IVNS1ABP: variants seen among roughly 807,000 people sequenced by gnomAD.
IVNS1ABP encodes the protein influenza virus NS1A-binding protein.
A neutral mutation model predicts 78.9 loss-of-function variants in IVNS1ABP; 25 were observed. The observed-to-expected ratio is 0.32, with a 90% CI of 0.23 to 0.44. The LOEUF (loss-of-function observed/expected upper bound fraction) is 0.44. Among genes scored for constraint, IVNS1ABP ranks in the 20% least tolerant of loss-of-function variants. The pLI is 1.00. For synonymous variants in IVNS1ABP, 241 were observed against 259.7 expected (o/e 0.93, Z 0.69); for missense variants, 494 against 768.9 (o/e 0.64, Z 4.23).
intron 8 of IVNS1ABP, among the ~76,000 whole-genome samples, chr1:185,304,675 TA>T (rs1368894340): frequency 3.3e-5 from 5 of 152,116 alleles, no homozygotes; most frequent in Non-Finnish European, 4.4e-5. Flanking sequence ...ATAGCCAAAC[TA>T]ATTTAATGTG....
intron 5 of IVNS1ABP, chr1:185,308,078 C>T: frequency 6.5e-7 from 1 of 1,533,844 alleles, no homozygotes; most frequent in South Asian, 1.2e-5. Context: ...GGAAAGACAG[C>T]AACTATATAA....
chr1:185,308,034 T>C (rs1395916287), intron 5 of IVNS1ABP: 1 of 1,547,366 alleles, frequency 6.5e-7, no homozygotes, highest in Non-Finnish European at 8.7e-7. Flanking sequence ...ACAATTTAAT[T>C]TGGTTGGAGA....
chr1:185,305,681 C>A lies in IVNS1ABP; in HGVS notation c.658-38G>T. The A allele has an allele frequency of 6.2e-7, 1 of 1,609,798 alleles. No homozygotes were observed. Among genetic ancestry groups the A allele is most frequent in the South Asian group, 1.1e-5 (1 of 90,420 alleles). ...AACAGAACACCCATGTGGCTACGGTCACCATGGCTACTCCACTAGTATGCA... is the reference window on the plus strand; with the variant it reads ...AACAGAACACCCATGTGGCTACGGTAACCATGGCTACTCCACTAGTATGCA... On this transcript the variant is annotated intron_variant, in intron 7 of 14. Coordinates refer to ENST00000367498, the MANE Select transcript of IVNS1ABP (RefSeq NM_006469.5). This position sits in a 1 kb window ranked among gnomAD's most constrained non-coding sequence, Gnocchi z 4.0.
At position 185,316,936 on chromosome 1, in the gene IVNS1ABP, G is replaced by T. The variant is rs763202119; in HGVS notation, c.-247+17C>A. On this transcript the variant is annotated intron_variant, in intron 1 of 14. Coordinates refer to ENST00000367498, the MANE Select transcript of IVNS1ABP (RefSeq NM_006469.5). ...CCGTCTCCCTCATCTGTCGTTCGTA[G>T]AACCAGCGCGTATTACCTGGTTCAT... 2.5e-6 allele frequency: 1 copy of T among 398,272 alleles called. No homozygotes were observed. Among genetic ancestry groups the T allele is most frequent in the Non-Finnish European group, 4.4e-6 (1 of 226,042 alleles). 24.7% of individuals were successfully genotyped at this position (398,272 alleles called of 1,614,324 possible).
Position 185,300,263 on chromosome 1 carries a change from A to G in IVNS1ABP, c.1323T>C (p.Asp441=), listed in dbSNP as rs373387940. The part of the protein sequence containing the change: ...SCGEMYDSNI[D]DWIPVPELRT... ...TCAATTCTGGAACAGGAATCCAGTC[A>G]TCTATGTTTGAATCATACATCTCTC... The change falls in exon 12 of 15, where the codon GAT becomes GAC. Residue 441 remains aspartate (D), a synonymous_variant. Transcript: ENST00000367498. 13 of 1,613,314 alleles carry G rather than the reference A, an allele frequency of 8.1e-6. No individual in the cohort carries two copies. Among genetic ancestry groups the G allele is most frequent in the East Asian group, 6.7e-5 (3 of 44,866 alleles).
chr1:185,307,787 A>T (rs765822680), intron 5 of IVNS1ABP, 125 bp from the exon 6 acceptor site: 26 of 1,203,070 alleles, frequency 2.2e-5, no homozygotes, highest in Non-Finnish European at 2.9e-5. Flanking sequence ...TAATACAACA[A>T]ATGTTAATAG....
intron 1 of IVNS1ABP, among the ~76,000 whole-genome samples, chr1:185,316,181 T>C (rs1387331558): frequency 1.3e-5 from 2 of 152,144 alleles, no homozygotes; most frequent in African/African-American, 4.8e-5. Context: ...AGAAAGAGCG[T>C]CCCAGGCCTT....
chr1:185,299,920 T>C (rs1388298359), intron 13 of IVNS1ABP, 37 bp from the exon 14 acceptor site: 3 of 1,612,534 alleles, frequency 1.9e-6, no homozygotes, highest in South Asian at 2.2e-5. Flanking sequence ...TTGCTACATC[T>C]CCCAGACTCT....
Position 185,298,001 on chromosome 1 carries a change from C to G in IVNS1ABP, c.*34G>C. On this transcript the variant is annotated 3_prime_UTR_variant, in exon 15 of 15. Coordinates refer to ENST00000367498, the MANE Select transcript of IVNS1ABP (RefSeq NM_006469.5). This position sits in a 1 kb window ranked among gnomAD's most constrained non-coding sequence, Gnocchi z 4.1. ...ACCTCTACTAACCATAATTACATCACTAAGCCTGTTAGTTTGAGAGGGTCT... is the reference window on the plus strand; with the variant it reads ...ACCTCTACTAACCATAATTACATCAGTAAGCCTGTTAGTTTGAGAGGGTCT... 1 of 1,601,990 alleles carries G rather than the reference C, an allele frequency of 6.2e-7. No homozygotes were observed. Among genetic ancestry groups the G allele is most frequent in the Non-Finnish European group, 8.5e-7 (1 of 1,172,384 alleles).
chr1:185,308,038 T>C (rs1316941548), intron 5 of IVNS1ABP: 3 of 1,546,562 alleles, frequency 1.9e-6, no homozygotes, highest in East Asian at 2.4e-5. Context: ...TTTAATTTGG[T>C]TGGAGAAAAG....
In IVNS1ABP at chr1:185,300,275, A is replaced by C. The variant is rs773760077; in HGVS notation, c.1311T>G (p.Asp437Glu). Residue 437 changes from aspartate to glutamate, a missense_variant, in exon 12 of 15, where the codon GAT (aspartate) becomes GAG (glutamate). Asp to Glu is a conservative substitution (Grantham distance 45, BLOSUM62 2). Coordinates refer to ENST00000367498, the MANE Select transcript of IVNS1ABP (RefSeq NM_006469.5). ...SDDLSCGEMYDSNIDDWIPVP... is the reference protein window; with the variant it reads ...SDDLSCGEMYESNIDDWIPVP... ...CAGGAATCCAGTCATCTATGTTTGAATCATACATCTCTCCACAACTCAGGT... is the reference window on the plus strand; with the variant it reads ...CAGGAATCCAGTCATCTATGTTTGACTCATACATCTCTCCACAACTCAGGT... 5.0e-6 allele frequency: 8 copies of C among 1,613,264 alleles called. No homozygotes were observed. Among genetic ancestry groups the C allele is most frequent in the Middle Eastern group, 1.6e-4 (1 of 6,078 alleles).
rs1028653952 is a variant in IVNS1ABP at position 185,296,759 on chromosome 1, A to C, written c.*1276T>G. 3.3e-5 allele frequency: 5 copies of C among 152,092 alleles called. No individual in the cohort carries two copies. Among genetic ancestry groups the C allele is most frequent in the Non-Finnish European group, 4.4e-5 (3 of 67,990 alleles). The allele number at this position is 152,092 out of a possible 1,614,324, so 9.4% of individuals were successfully genotyped here. On this transcript the variant is annotated 3_prime_UTR_variant, in exon 15 of 15. Coordinates refer to ENST00000367498, the MANE Select transcript of IVNS1ABP (RefSeq NM_006469.5). ...ATCTTCTGTGAGAAAAAAAAACCTTATATCATTCCTTATTTCAGATGTAAG... is the reference window on the plus strand; with the variant it reads ...ATCTTCTGTGAGAAAAAAAAACCTTCTATCATTCCTTATTTCAGATGTAAG...
chr1:185,308,092 A>T, intron 5 of IVNS1ABP: 4 of 1,504,108 alleles, frequency 2.7e-6, no homozygotes, highest in Non-Finnish European at 3.6e-6. Flanking sequence ...TATATAAGGG[A>T]AAATCTAGAA....
rs1466853186 is a variant in IVNS1ABP at position 185,297,140 on chromosome 1, G to C, written c.*895C>G. 6.6e-6 allele frequency: 1 copy of C among 151,962 alleles called. No homozygotes were observed. Among genetic ancestry groups the C allele is most frequent in the East Asian group, 1.9e-4 (1 of 5,178 alleles). 9.4% of individuals were successfully genotyped at this position (151,962 alleles called of 1,614,324 possible). On this transcript the variant is annotated 3_prime_UTR_variant, in exon 15 of 15. Coordinates refer to ENST00000367498, the MANE Select transcript of IVNS1ABP (RefSeq NM_006469.5). ...TTTCACAATTGAGGGCTGCTATTTA[G>C]GACTGTTTTGTTAATAATAAAAACA...
intron 2 of IVNS1ABP, among the ~76,000 whole-genome samples, chr1:185,309,719 AAAG>A (rs1157984150): frequency 6.6e-6 from 1 of 152,212 alleles, no homozygotes. Context: ...TAAGACTTTT[AAAG>A]GATTCAAACA....
Position 185,299,729 on chromosome 1 carries a change from A to G in IVNS1ABP, c.1656T>C (p.Ala552=). 1 of 1,613,726 alleles carries G rather than the reference A, an allele frequency of 6.2e-7. No homozygotes were observed. The highest frequency in any genetic ancestry group is 8.5e-7 in the Non-Finnish European group (1 of 1,179,772). ...ACTCACCATTAAGAACAGCCACTCC[A>G]GCTCCTCGCCTAGCCACATTCATGG... ...IAPMNVARRG[A]GVAVLNGKLF... is the part of the protein sequence containing the mutation. The change falls in exon 14 of 15, where the codon GCT becomes GCC. Residue 552 remains alanine (A), a synonymous_variant. Coordinates refer to ENST00000367498, the MANE Select transcript of IVNS1ABP (RefSeq NM_006469.5).
chr1:185,301,609 T>C, intron 8 of IVNS1ABP, 46 bp from the exon 9 acceptor site: 1 of 1,608,826 alleles, frequency 6.2e-7, no homozygotes, highest in South Asian at 1.1e-5. Flanking sequence ...AAAGACCACA[T>C]CTGATGTACC....
At position 185,297,985 on chromosome 1, in the gene IVNS1ABP, AACC is replaced by A; in HGVS notation, c.*47_*49del. 6.3e-7 allele frequency: 1 copy of A among 1,579,786 alleles called. No homozygotes were observed. Among genetic ancestry groups the A allele is most frequent in the East Asian group, 2.2e-5 (1 of 44,716 alleles). On this transcript the variant is annotated 3_prime_UTR_variant, in exon 15 of 15. Coordinates refer to ENST00000367498, the MANE Select transcript of IVNS1ABP (RefSeq NM_006469.5). ...CTTTATTCACAAGTGTACCTCTACT[AACC>A]ATAATTACATCACTAAGCCTGTTAG...
At chr1:185,304,271 A>C (rs1211436242) in intron 8 of IVNS1ABP, among the ~76,000 whole-genome samples, 1 of 152,112 alleles carries the variant, frequency 6.6e-6, no homozygotes, top group Admixed American at 6.6e-5. Flanking sequence ...GCCATACCGA[A>C]CATTATGGCC....
Sources: gnomAD v4.1 joint callset for allele counts (sites outside exome capture counted in the v4.1 genomes callset) on GRCh38, gnomAD v4.1.1 for gene constraint, Gnocchi (gnomAD v3.1) non-coding constraint, MANE v1.5 for transcripts, NCBI Gene and HGNC (gene_info 2026-07-23, HGNC 2026-07-21) for gene names.